The following AUTS2 variants were observed in gnomAD, a reference collection of about 807,000 sequenced individuals.
The protein encoded by AUTS2 is autism susceptibility gene 2 protein.
AUTS2 carries 17 observed loss-of-function variants against 112.4 expected under a neutral mutation model. The ratio of observed to expected loss-of-function variants is 0.15; its 90% CI spans 0.10 to 0.23. The LOEUF is 0.23. Ranked by LOEUF, AUTS2 falls within the 10% of genes least tolerant of loss-of-function variation. AUTS2 has a pLI of 1.00. For synonymous variants in AUTS2, 751 were observed against 702.7 expected, an observed-to-expected ratio of 1.07 and a Z score of -1.09; for missense variants, 1,510 against 1,701.6, an observed-to-expected ratio of 0.89 and a Z score of 1.98.
chr7:69,947,165 A>G (rs1034069776), intron 2 of AUTS2, among the ~76,000 whole-genome samples: 3 of 152,190 alleles, frequency 2.0e-5, no homozygotes, highest in African/African-American at 7.2e-5. Context: ...CAACTAATCT[A>G]GTGTTGATCC....
At chr7:70,713,705 T>C (rs1325781951) in intron 6 of AUTS2, among the ~76,000 whole-genome samples, 1 of 152,118 alleles carries the variant, frequency 6.6e-6, no homozygotes, top group Non-Finnish European at 1.5e-5. Context: ...CCATCCTGGC[T>C]AACATGGTGA....
intron 2 of AUTS2, among the ~76,000 whole-genome samples, chr7:70,055,369 G>T (rs1250279149): frequency 1.3e-5 from 2 of 152,184 alleles, no homozygotes; most frequent in African/African-American, 4.8e-5. Flanking sequence ...AGGAGGCGGA[G>T]GTTGTGGTGA....
intron 1 of AUTS2, among the ~76,000 whole-genome samples, chr7:69,671,486 GGTGTGTGTGTGT>G (rs201047003): frequency 0.012 from 1,730 of 138,614 alleles, 36 homozygotes; most frequent in African/African-American, 0.039. Context: ...TGCTGCTGCT[GGTGTGTGTGTGT>G]GTGTGTGTGT....
intron 15 of AUTS2, chr7:70,782,508 T>C (rs1461967638): frequency 6.6e-6 from 1 of 152,220 alleles, no homozygotes; most frequent in Non-Finnish European, 1.5e-5. Flanking sequence ...GGACTGTGTG[T>C]GTGCTGGATG....
intron 1 of AUTS2, among the ~76,000 whole-genome samples, chr7:69,876,342 AAAAAAAAATATATAT>A (rs1376439054): frequency 1.1e-5 from 1 of 87,928 alleles, no homozygotes; most frequent in African/African-American, 4.6e-5. Context: ...AAAAAAAAAA[AAAAAAAAATATATAT>A]ATATATATAT....
chr7:70,275,050 T>C (rs1181068296), intron 4 of AUTS2, among the ~76,000 whole-genome samples: 1 of 152,186 alleles, frequency 6.6e-6, no homozygotes, highest in Non-Finnish European at 1.5e-5. Context: ...AACAGAATAT[T>C]GTTGTTACTT....
At chr7:70,468,751 T>C (rs897231807) in intron 5 of AUTS2, among the ~76,000 whole-genome samples, 2 of 151,100 alleles carry the variant, frequency 1.3e-5, no homozygotes, top group Non-Finnish European at 2.9e-5. Context: ...AAGAGTCGGG[T>C]CACTAAGACT....
intron 4 of AUTS2, among the ~76,000 whole-genome samples, chr7:70,387,721 A>T (rs113311831): frequency 2.6e-3 from 401 of 152,256 alleles, no homozygotes; most frequent in African/African-American, 9.0e-3. Context: ...CATCATGTAT[A>T]TAATAGCTTT....
intron 4 of AUTS2, among the ~76,000 whole-genome samples, chr7:70,274,910 A>C (rs1391545941): frequency 6.6e-6 from 1 of 152,252 alleles, no homozygotes; most frequent in Non-Finnish European, 1.5e-5. Flanking sequence ...TCGGAATTAA[A>C]AACAGGGACT....
chr7:70,496,244 C>G (rs1798493380), intron 5 of AUTS2, among the ~76,000 whole-genome samples: 1 of 134,772 alleles, frequency 7.4e-6, no homozygotes. Flanking sequence ...CAGTCACACA[C>G]ACACACACAC....
intron 1 of AUTS2, among the ~76,000 whole-genome samples, chr7:69,706,575 T>A (rs1038889330): frequency 3.3e-5 from 5 of 152,234 alleles, no homozygotes; most frequent in Non-Finnish European, 7.3e-5. Flanking sequence ...CAAATTGAAT[T>A]ACTTAATTTA....
At chr7:70,295,143 T>G (rs1331220856) in intron 4 of AUTS2, among the ~76,000 whole-genome samples, 1 of 152,230 alleles carries the variant, frequency 6.6e-6, no homozygotes, top group Non-Finnish European at 1.5e-5. Context: ...AAATAGCAGA[T>G]AGCCTGATTT....
intron 1 of AUTS2, among the ~76,000 whole-genome samples, chr7:69,705,063 C>T (rs1798001607): frequency 6.6e-6 from 1 of 152,166 alleles, no homozygotes; most frequent in Admixed American, 6.6e-5. Context: ...GACGGGGTTT[C>T]ACCGTGTTGC....
intron 4 of AUTS2, among the ~76,000 whole-genome samples, chr7:70,226,479 A>G (rs1460105894): frequency 6.6e-6 from 1 of 151,086 alleles, no homozygotes; most frequent in East Asian, 2.0e-4. Context: ...TGCTGGGATT[A>G]GAGTCGTGAG....
At chr7:69,952,770 T>G (rs779489209) in intron 2 of AUTS2, among the ~76,000 whole-genome samples, 1 of 152,180 alleles carries the variant, frequency 6.6e-6, no homozygotes, top group Non-Finnish European at 1.5e-5. Context: ...TGGTAAGACA[T>G]TAATTTTATA....
intron 1 of AUTS2, among the ~76,000 whole-genome samples, chr7:69,687,485 G>A (rs1797112474): frequency 6.6e-6 from 1 of 152,076 alleles, no homozygotes; most frequent in Non-Finnish European, 1.5e-5. Flanking sequence ...CAGGTTTTTA[G>A]GACTCCCCTC....
intron 1 of AUTS2, among the ~76,000 whole-genome samples, chr7:69,722,672 A>C (rs890774479): frequency 6.6e-6 from 1 of 152,122 alleles, no homozygotes; most frequent in Non-Finnish European, 1.5e-5. Context: ...GGCCTTGTGC[A>C]TTTCATTTAA....
intron 4 of AUTS2, among the ~76,000 whole-genome samples, chr7:70,390,588 G>T (rs1200876090): frequency 6.6e-6 from 1 of 152,010 alleles, no homozygotes; most frequent in Non-Finnish European, 1.5e-5. Context: ...GACTTGAAAT[G>T]TTATAATTAC....
intron 4 of AUTS2, among the ~76,000 whole-genome samples, chr7:70,301,906 G>A (rs1332428990): frequency 6.6e-6 from 1 of 150,798 alleles, no homozygotes; most frequent in Admixed American, 6.6e-5. Flanking sequence ...CCACAAGTGT[G>A]CACCACGATG....
Sources: allele counts gnomAD v4.1 joint callset (sites outside exome capture counted in the v4.1 genomes callset), GRCh38; gene constraint gnomAD v4.1.1; transcripts MANE v1.5; gene names NCBI Gene and HGNC (gene_info 2026-07-23, HGNC 2026-07-21).